Variants in GALNT13 observed in about 807,000 individuals in gnomAD.
GALNT13 encodes UDP-GalNAc:polypeptide N-acetylgalactosaminyltransferase 13.
In GALNT13, 28 loss-of-function variants were observed where a neutral mutation model predicts 64.2. The observed-to-expected ratio is 0.44, with a 90% CI of 0.32 to 0.60. GALNT13 has a LOEUF of 0.60. Among genes scored for constraint, GALNT13 ranks in the 20% least tolerant of loss-of-function variants. The probability of loss-of-function intolerance (pLI) is 0.05; values close to 1 mark genes in which losing one functional copy is unlikely to be tolerated. For synonymous variants in GALNT13, 214 were observed against 224.6 expected (o/e 0.95, Z 0.42); for missense variants, 577 against 669.8 (o/e 0.86, Z 1.53).
Position 154,140,339 on chromosome 2 carries a change from G to GGT in GALNT13, c.145_146insGT (p.Val49GlyfsTer18). On this transcript the variant is annotated frameshift_variant, in exon 4 of 13. Transcript: ENST00000392825. LOFTEE classifies it high-confidence loss of function. ...CTGTATCTCTGTATGTCTTACAGCT[G>GGT]TTATTTCAAGAAACCAAGAAGGGCC... The GGT allele has an allele frequency of 2.5e-6, 4 of 1,611,016 alleles. No homozygotes were observed. Among genetic ancestry groups the GGT allele is most frequent in the Non-Finnish European group, 3.4e-6 (4 of 1,177,632 alleles).
At chr2:153,322,551 G>A in the GALNT13 span, among the ~76,000 whole-genome samples, 2 of 152,122 alleles carry the variant, frequency 1.3e-5, no homozygotes, top group African/African-American at 2.4e-5. Flanking sequence ...TGTGCAGAAT[G>A]TGCAGGTATG....
At chr2:153,783,523 C>G in the GALNT13 span, among the ~76,000 whole-genome samples, 1 of 152,052 alleles carries the variant, frequency 6.6e-6, no homozygotes, top group Non-Finnish European at 1.5e-5. Context: ...TACCATATTT[C>G]TTTCAGGCTC....
chr2:153,260,762 T>C, the GALNT13 span, among the ~76,000 whole-genome samples: 518 of 152,308 alleles, frequency 3.4e-3, 3 homozygotes, highest in African/African-American at 0.012. Context: ...TTTTCTGTTA[T>C]TATCTATTTA....
chr2:154,406,747 C>G lies in GALNT13; in HGVS notation c.1297-2237C>G, dbSNP rs547080178. Among the ~76,000 whole-genome samples, 17 of 152,248 alleles carry G rather than the reference C, an allele frequency of 1.1e-4. No homozygotes were observed. The East Asian group carries it at 3.1e-3, about 28-fold the overall frequency. Reference sequence around the variant, plus strand: ...ATTACAAATCTATTTATTTGTTGCTCTCTTCCCTTCTAAAACATAAGCTTT... The same window carrying G: ...ATTACAAATCTATTTATTTGTTGCTGTCTTCCCTTCTAAAACATAAGCTTT... On this transcript the variant is annotated intron_variant, in intron 10 of 12. Transcript: ENST00000392825.
chr2:153,682,901 G>T, the GALNT13 span, among the ~76,000 whole-genome samples: 3 of 151,596 alleles, frequency 2.0e-5, no homozygotes, highest in Admixed American at 6.6e-5. Context: ...TAGCAGACAG[G>T]GCACACCTTT....
At chr2:153,204,307 T>A in the GALNT13 span, among the ~76,000 whole-genome samples, 45,169 of 151,932 alleles carry the variant, frequency 0.3, 6,921 homozygotes, top group Middle Eastern at 0.42. Context: ...GAGGGATGCT[T>A]GTTTTTATCC....
the GALNT13 span, among the ~76,000 whole-genome samples, chr2:153,161,839 A>G: frequency 8.5e-5 from 13 of 152,192 alleles, no homozygotes; most frequent in African/African-American, 2.7e-4. Context: ...GCAACCATCA[A>G]TCTTTTGCAC....
At chr2:153,966,930 T>C (rs1693407760) in intron 3 of GALNT13, among the ~76,000 whole-genome samples, 1 of 152,112 alleles carries the variant, frequency 6.6e-6, no homozygotes, top group Non-Finnish European at 1.5e-5. Flanking sequence ...TTTTATTTTT[T>C]CACCCCTGAC....
At chr2:154,435,441 A>G (rs1700917120) in intron 11 of GALNT13, among the ~76,000 whole-genome samples, 1 of 152,188 alleles carries the variant, frequency 6.6e-6, no homozygotes, top group South Asian at 2.1e-4. Flanking sequence ...GAGTAGTGAG[A>G]TGGAAAAACA....
At chr2:154,242,574 G>T in intron 5 of GALNT13, 124 bp from the exon 6 acceptor site, 1 of 633,230 alleles carries the variant, frequency 1.6e-6, no homozygotes, top group Non-Finnish European at 2.8e-6. Context: ...TATATCTAAG[G>T]CAGTAAATAC....
At chr2:153,145,298 C>T in the GALNT13 span, among the ~76,000 whole-genome samples, 1 of 151,868 alleles carries the variant, frequency 6.6e-6, no homozygotes, top group Non-Finnish European at 1.5e-5. Context: ...CAATTACCTA[C>T]TAATTTTAGC....
the GALNT13 span, among the ~76,000 whole-genome samples, chr2:153,639,308 G>C: frequency 6.6e-6 from 1 of 152,048 alleles, no homozygotes; most frequent in African/African-American, 2.4e-5. Flanking sequence ...GAAAGACACT[G>C]GTGAGTGGAA....
At chr2:153,294,550 C>G in the GALNT13 span, among the ~76,000 whole-genome samples, 2 of 152,138 alleles carry the variant, frequency 1.3e-5, no homozygotes, top group East Asian at 3.8e-4. Flanking sequence ...TGTGCACTGA[C>G]ATGTCTTTGA....
intron 9 of GALNT13, among the ~76,000 whole-genome samples, chr2:154,334,941 T>G (rs897218085): frequency 4.6e-5 from 7 of 151,994 alleles, no homozygotes; most frequent in African/African-American, 1.7e-4. Flanking sequence ...ATACTCTTAA[T>G]TCTCTGCAGG....
At chr2:153,148,842 A>G in the GALNT13 span, among the ~76,000 whole-genome samples, 2 of 151,914 alleles carry the variant, frequency 1.3e-5, no homozygotes, top group African/African-American at 4.8e-5. Context: ...AGCAAACATC[A>G]AAACTTAGGA....
At chr2:153,142,015 G>A in the GALNT13 span, among the ~76,000 whole-genome samples, 1 of 152,004 alleles carries the variant, frequency 6.6e-6, no homozygotes, top group South Asian at 2.1e-4. Context: ...AGGCTACTGT[G>A]GTTGGGTTGA....
At chr2:154,309,031 A>C (rs1693891972) in intron 9 of GALNT13, among the ~76,000 whole-genome samples, 1 of 152,150 alleles carries the variant, frequency 6.6e-6, no homozygotes, top group African/African-American at 2.4e-5. Context: ...AGTGCTTATT[A>C]AGTTCTTGTT....
intron 9 of GALNT13, among the ~76,000 whole-genome samples, chr2:154,392,777 G>A (rs555740061): frequency 6.6e-5 from 10 of 152,098 alleles, no homozygotes; most frequent in Admixed American, 2.0e-4. Context: ...ATTGACTAAG[G>A]AACAGGCAAT....
intron 10 of GALNT13, among the ~76,000 whole-genome samples, chr2:154,406,215 T>A (rs1204739669): frequency 6.6e-6 from 1 of 152,174 alleles, no homozygotes. Context: ...CCAGTGGCTC[T>A]ACCTTCAAAA....
Sources: gnomAD v4.1 joint callset for allele counts (sites outside exome capture counted in the v4.1 genomes callset) on GRCh38, gnomAD v4.1.1 for gene constraint, MANE v1.5 for transcripts, NCBI Gene and HGNC (gene_info 2026-07-23, HGNC 2026-07-21) for gene names.